Variants in CELF4 observed in about 807,000 individuals in gnomAD.
CELF4 encodes the protein CUG-BP- and ETR-3-like factor 4.
A neutral mutation model predicts 59.9 loss-of-function variants in CELF4; 18 were observed. That is an observed-to-expected ratio of 0.30 (90% CI 0.21 to 0.45). The LOEUF is 0.45. CELF4 is among the 20% of genes least tolerant of loss of function. The pLI is 1.00. For synonymous variants in CELF4, 261 were observed against 267.1 expected, an observed-to-expected ratio of 0.98 and a Z score of 0.22; for missense variants, 456 against 689.0, an observed-to-expected ratio of 0.66 and a Z score of 3.79.
At chr18:37,288,975 C>T (rs1787622) in intron 3 of CELF4, among the ~76,000 whole-genome samples, 79,773 of 152,020 alleles carry the variant, frequency 0.52, 22,085 homozygotes, top group African/African-American at 0.7. Flanking sequence ...GAAACCTGCA[C>T]GCCAGCTCTG....
At chr18:37,316,759 T>C (rs2154512804) in intron 3 of CELF4, among the ~76,000 whole-genome samples, 1 of 152,168 alleles carries the variant, frequency 6.6e-6, no homozygotes, top group Non-Finnish European at 1.5e-5. Context: ...CATGAGTAGG[T>C]CTGGGAGCTC....
At chr18:37,299,491 C>G (rs2095865999) in intron 3 of CELF4, among the ~76,000 whole-genome samples, 1 of 152,054 alleles carries the variant, frequency 6.6e-6, no homozygotes, top group African/African-American at 2.4e-5. Flanking sequence ...CCACGTGGAA[C>G]CCTCCCACTC....
intron 9 of CELF4, 64 bp from the exon 10 acceptor site, chr18:37,264,821 A>G: frequency 7.2e-7 from 1 of 1,387,510 alleles, no homozygotes; most frequent in South Asian, 1.2e-5. Context: ...AGGAAGAAAG[A>G]GAGAGATTTC....
intron 1 of CELF4, among the ~76,000 whole-genome samples, chr18:37,505,720 T>G (rs1004636163): frequency 6.6e-6 from 1 of 152,184 alleles, no homozygotes; most frequent in Non-Finnish European, 1.5e-5. Flanking sequence ...CTATGTGATG[T>G]TGGAGGAGTT....
chr18:37,275,046 G>T, intron 4 of CELF4, 69 bp downstream of exon 4: 1 of 1,578,552 alleles, frequency 6.3e-7, no homozygotes, highest in Admixed American at 1.7e-5. Flanking sequence ...GAGACTCAGA[G>T]GAGCCCTCTG....
At chr18:37,343,047 C>T (rs1012300632) in intron 2 of CELF4, among the ~76,000 whole-genome samples, 1 of 152,130 alleles carries the variant, frequency 6.6e-6, no homozygotes, top group Non-Finnish European at 1.5e-5. Context: ...GATGTGGGAG[C>T]TGGAAGGGTG....
chr18:37,249,294 A>G (rs573085870), intron 12 of CELF4, among the ~76,000 whole-genome samples: 7 of 152,274 alleles, frequency 4.6e-5, no homozygotes, highest in African/African-American at 1.7e-4. Context: ...GGGTATTGCC[A>G]TCAGATGGGG....
At chr18:37,553,059 C>G (rs906058618) in intron 1 of CELF4, among the ~76,000 whole-genome samples, 1 of 152,252 alleles carries the variant, frequency 6.6e-6, no homozygotes, top group Non-Finnish European at 1.5e-5. Context: ...CCGTTTGTTC[C>G]TCATTCCAGA....
intron 2 of CELF4, among the ~76,000 whole-genome samples, chr18:37,358,900 G>C (rs1281584188): frequency 6.6e-6 from 1 of 152,096 alleles, no homozygotes; most frequent in Non-Finnish European, 1.5e-5. Flanking sequence ...TCAGGAGTTC[G>C]AGACCAGCCT....
intron 1 of CELF4, among the ~76,000 whole-genome samples, chr18:37,559,994 T>C (rs1037634190): frequency 1.3e-5 from 2 of 152,198 alleles, no homozygotes. Context: ...ATGATTTCAT[T>C]CAAGAAAAGA....
At chr18:37,351,160 C>T (rs1244461136) in intron 2 of CELF4, among the ~76,000 whole-genome samples, 1 of 152,112 alleles carries the variant, frequency 6.6e-6, no homozygotes, top group African/African-American at 2.4e-5. Flanking sequence ...CAGTAATTGT[C>T]TTGACAGCCG....
At position 37,253,720 on chromosome 18, in the gene CELF4, G is replaced by A. The variant is rs1008897735; in HGVS notation, c.*44+47C>T. On this transcript the variant is annotated intron_variant, in intron 12 of 12. Coordinates refer to ENST00000420428, the MANE Select transcript of CELF4 (RefSeq NM_020180.4). The surrounding 1 kb of genome is among the most constrained non-coding windows in gnomAD (Gnocchi z 4.5). ...GCCGGAGGAGGCGGCGGGTCCGTCT[G>A]GTTCCCTCCCAACCCCCGTCCCCGC... 6.9e-7 allele frequency: 1 copy of A among 1,444,632 alleles called. No individual in the cohort carries two copies. Among genetic ancestry groups the A allele is most frequent in the African/African-American group, 1.5e-5 (1 of 68,962 alleles). 89.5% of individuals were successfully genotyped at this position (1,444,632 alleles called of 1,614,324 possible).
chr18:37,452,510 G>C, intron 2 of CELF4, among the ~76,000 whole-genome samples: 1 of 152,082 alleles, frequency 6.6e-6, no homozygotes, highest in Non-Finnish European at 1.5e-5. Context: ...CTGGGGTAGG[G>C]ACATAGGCTT....
intron 6 of CELF4, 134 bp from the exon 7 acceptor site, chr18:37,273,297 C>CT: frequency 4.2e-6 from 6 of 1,441,278 alleles, no homozygotes; most frequent in Non-Finnish European, 4.6e-6. Flanking sequence ...CCAGAAAGCC[C>CT]TGATGCCTCT....
chr18:37,531,573 T>C (rs570438884), intron 1 of CELF4, among the ~76,000 whole-genome samples: 12 of 152,342 alleles, frequency 7.9e-5, no homozygotes, highest in African/African-American at 2.9e-4. Flanking sequence ...AAATCAATTA[T>C]TTATTTAATA....
chr18:37,441,782 C>T (rs1176054590), intron 2 of CELF4, among the ~76,000 whole-genome samples: 1 of 152,100 alleles, frequency 6.6e-6, no homozygotes, highest in Non-Finnish European at 1.5e-5. Context: ...GCCTGGGGAG[C>T]ATTCTATTCT....
chr18:37,269,333 C>T (rs1181941184), intron 8 of CELF4, among the ~76,000 whole-genome samples: 1 of 152,218 alleles, frequency 6.6e-6, no homozygotes, highest in Non-Finnish European at 1.5e-5. Context: ...TTAAGGAAAA[C>T]TCCAAGTTCA....
chr18:37,440,556 G>A (rs1050773545), intron 2 of CELF4, among the ~76,000 whole-genome samples: 3 of 152,216 alleles, frequency 2.0e-5, no homozygotes, highest in Non-Finnish European at 4.4e-5. Context: ...GGAGGGAAGG[G>A]AGGCACAGAG....
At chr18:37,283,094 C>T (rs151121931) in intron 3 of CELF4, among the ~76,000 whole-genome samples, 479 of 152,188 alleles carry the variant, frequency 3.1e-3, no homozygotes, top group Middle Eastern at 0.02. Flanking sequence ...GCTTGGCTTC[C>T]TCCGGTCCTG....
Sources: allele counts gnomAD v4.1 joint callset (sites outside exome capture counted in the v4.1 genomes callset), GRCh38; gene constraint gnomAD v4.1.1; non-coding constraint Gnocchi (gnomAD v3.1); transcripts MANE v1.5; gene names NCBI Gene and HGNC (gene_info 2026-07-23, HGNC 2026-07-21).